ZFHX3: variants seen among roughly 807,000 people sequenced by gnomAD.
ZFHX3 encodes zinc finger homeobox protein 3.
Under a neutral mutation model 279.1 loss-of-function variants are expected in ZFHX3, and 42 were observed. That is an observed-to-expected ratio of 0.15 (90% CI 0.12 to 0.19). The LOEUF (loss-of-function observed/expected upper bound fraction) is 0.19. ZFHX3 is among the 10% of genes least tolerant of loss of function. ZFHX3 has a pLI of 1.00. For missense variants in ZFHX3, 4,981 were observed against 4,754.0 expected, an observed-to-expected ratio of 1.05 and a Z score of -1.40; for synonymous variants, 2,293 against 1,957.8, an observed-to-expected ratio of 1.17 and a Z score of -4.52.
At chr16:73,636,502 A>T (rs999794060) in intron 2 of ZFHX3, among the ~76,000 whole-genome samples, 5 of 152,214 alleles carry the variant, frequency 3.3e-5, no homozygotes, top group Admixed American at 6.5e-5. Context: ...TGTCTACCTG[A>T]TAAAACATCA....
At chr16:73,102,339 C>T (rs548957132) in intron 7 of ZFHX3, among the ~76,000 whole-genome samples, 15 of 152,328 alleles carry the variant, frequency 9.8e-5, no homozygotes, top group African/African-American at 1.7e-4. Flanking sequence ...CCCTCTTTTC[C>T]GGCATCTGTC....
At chr16:73,579,902 T>C (rs1424922047) in intron 2 of ZFHX3, among the ~76,000 whole-genome samples, 1 of 143,144 alleles carries the variant, frequency 7.0e-6, no homozygotes, top group African/African-American at 2.7e-5. Context: ...TGTATTAATA[T>C]AATGTATTAT....
intron 3 of ZFHX3, among the ~76,000 whole-genome samples, chr16:73,365,427 T>C (rs970590768): frequency 3.3e-5 from 5 of 152,178 alleles, no homozygotes; most frequent in Non-Finnish European, 7.4e-5. Flanking sequence ...CTTGAAAGCT[T>C]ATAATGGAGG....
chr16:73,489,745 A>C (rs867055472), intron 2 of ZFHX3, among the ~76,000 whole-genome samples: 2 of 152,218 alleles, frequency 1.3e-5, no homozygotes, highest in South Asian at 2.1e-4. Context: ...ACATCACTTT[A>C]TAAAAAGAAA....
chr16:73,614,398 T>G (rs568357497), intron 2 of ZFHX3, among the ~76,000 whole-genome samples: 4 of 152,346 alleles, frequency 2.6e-5, no homozygotes, highest in African/African-American at 9.6e-5. Context: ...TTTGAACACA[T>G]CATTTCTTTC....
chr16:72,949,056 T>C (rs906695616), intron 3 of ZFHX3, among the ~76,000 whole-genome samples: 1 of 152,248 alleles, frequency 6.6e-6, no homozygotes, highest in African/African-American at 2.4e-5. Context: ...ACCTCATTCC[T>C]GCTTTCTCCT....
Position 73,046,602 on chromosome 16 carries a change from C to T in ZFHX3, c.-50+1150G>A, listed in dbSNP as rs117452615. Among the ~76,000 whole-genome samples the T allele has an allele frequency of 1.2e-3, 177 of 152,194 alleles. 1 individual carries two copies. Among genetic ancestry groups the T allele is most frequent in the Non-Finnish European group, 2.2e-3 (150 of 68,018 alleles). ...ACTCGAGGGGCCAACTCTACAAACT[C>T]GCACCTGCTGCTTGACGGCAAGGAA... is the stretch of plus-strand genomic sequence containing the variant. On this transcript the variant is annotated intron_variant, in intron 1 of 9. Transcript: ENST00000268489.
chr16:72,993,952 T>C (rs534633539), intron 1 of ZFHX3, among the ~76,000 whole-genome samples: 2 of 152,178 alleles, frequency 1.3e-5, no homozygotes, highest in East Asian at 3.9e-4. Context: ...AGTGCACTAA[T>C]TCACCCTCCA....
chr16:73,889,805 C>G (rs1384307435), intron 1 of ZFHX3, among the ~76,000 whole-genome samples: 1 of 152,142 alleles, frequency 6.6e-6, no homozygotes, highest in African/African-American at 2.4e-5. Flanking sequence ...CTTCTCCTTT[C>G]TGTAGGCCAA....
At chr16:72,995,048 A>T (rs959801713) in intron 1 of ZFHX3, among the ~76,000 whole-genome samples, 2 of 152,218 alleles carry the variant, frequency 1.3e-5, no homozygotes, top group Non-Finnish European at 2.9e-5. Context: ...CGCCCCATTT[A>T]GTCCAATGCT....
intron 5 of ZFHX3, among the ~76,000 whole-genome samples, chr16:73,180,196 T>C (rs1365772276): frequency 5.9e-5 from 9 of 152,180 alleles, no homozygotes. Context: ...CAGGGGTCAC[T>C]GAGAGAGCAA....
At chr16:73,320,957 A>G (rs988155032) in intron 3 of ZFHX3, among the ~76,000 whole-genome samples, 3 of 152,184 alleles carry the variant, frequency 2.0e-5, no homozygotes, top group Non-Finnish European at 4.4e-5. Context: ...CTCAGTTCTA[A>G]CCATGAGCCA....
intron 3 of ZFHX3, among the ~76,000 whole-genome samples, chr16:72,920,609 G>T (rs970665288): frequency 6.6e-6 from 1 of 152,018 alleles, no homozygotes; most frequent in Admixed American, 6.5e-5. Context: ...GGTGGAGGTT[G>T]TAGTGAGACA....
At chr16:72,965,511 C>T (rs1363242097) in intron 1 of ZFHX3, among the ~76,000 whole-genome samples, 1 of 152,156 alleles carries the variant, frequency 6.6e-6, no homozygotes, top group Non-Finnish European at 1.5e-5. Context: ...GTTCCAGAAC[C>T]TACAGATCAG....
chr16:73,682,029 G>A (rs941671825), intron 1 of ZFHX3, among the ~76,000 whole-genome samples: 6 of 149,184 alleles, frequency 4.0e-5, no homozygotes, highest in Non-Finnish European at 7.3e-5. Context: ...AATGTCTGAC[G>A]CATAATGGAT....
chr16:73,131,211 C>T, intron 6 of ZFHX3: 1 of 322,432 alleles, frequency 3.1e-6, no homozygotes, highest in South Asian at 2.5e-5. Context: ...ATAGCAGGAC[C>T]TGCAAAAGGT....
At chr16:73,843,408 T>C (rs1368588995) in intron 1 of ZFHX3, among the ~76,000 whole-genome samples, 3 of 152,192 alleles carry the variant, frequency 2.0e-5, no homozygotes, top group Non-Finnish European at 4.4e-5. Flanking sequence ...ACTACTGTGG[T>C]TCACAAAGAA....
At position 72,796,748 on chromosome 16, in the gene ZFHX3, C is replaced by T. The variant is rs747214847; in HGVS notation, c.5934G>A (p.Glu1978=). The change falls in exon 9 of 10, where the codon GAG becomes GAA. Residue 1978 remains glutamate (E), a synonymous_variant. Transcript: ENST00000268489. ...QKKNGKTDQG[E]NLEKLECDSC... is the part of the protein sequence containing the mutation. ...AGTCACACTCGAGCTTTTCCAGGTT[C>T]TCTCCCTGGTCAGTCTTCCCATTCT... 4 of 1,613,778 alleles carry T rather than the reference C, an allele frequency of 2.5e-6. No individual in the cohort carries two copies. The highest frequency in any genetic ancestry group is 2.2e-5 in the South Asian group (2 of 91,046).
intron 1 of ZFHX3, among the ~76,000 whole-genome samples, chr16:73,054,321 G>C (rs985925569): frequency 1.4e-4 from 21 of 152,068 alleles, no homozygotes; most frequent in African/African-American, 4.3e-4. Context: ...CAGGACATTC[G>C]AGGTTCCAGG....
Sources: gnomAD v4.1 joint callset for allele counts (sites outside exome capture counted in the v4.1 genomes callset) on GRCh38, gnomAD v4.1.1 for gene constraint, MANE v1.5 for transcripts, NCBI Gene and HGNC (gene_info 2026-07-23, HGNC 2026-07-21) for gene names.